The following JAKMIP1 variants were observed in gnomAD, a reference collection of about 807,000 sequenced individuals.
JAKMIP1 encodes the protein janus kinase and microtubule interacting protein 1, also known as janus kinase and microtubule-interacting protein 1.
A neutral mutation model predicts 113.0 loss-of-function variants in JAKMIP1; 33 were observed. That is an observed-to-expected ratio of 0.29 (90% CI 0.22 to 0.39). The LOEUF (loss-of-function observed/expected upper bound fraction) is 0.39. JAKMIP1 is among the 10% of genes least tolerant of loss of function. The pLI, the probability that JAKMIP1 is intolerant of heterozygous loss-of-function variation, is 1.00. For synonymous variants in JAKMIP1, 480 were observed against 459.9 expected (o/e 1.04, Z -0.56); for missense variants, 813 against 1,080.5 (o/e 0.75, Z 3.47).
rs750592907 is a variant in JAKMIP1 at position 6,105,632 on chromosome 4, G to T, written c.465C>A (p.Ile155=). 1 of 1,595,284 alleles carries T rather than the reference G, an allele frequency of 6.3e-7. No homozygotes were observed. Among genetic ancestry groups the T allele is most frequent in the Admixed American group, 1.7e-5 (1 of 57,182 alleles). The change falls in exon 3 of 21, where the codon ATC becomes ATA. Residue 155 remains isoleucine, a synonymous_variant. Coordinates refer to ENST00000409021, the MANE Select transcript of JAKMIP1 (RefSeq NM_001099433.2). Reference sequence around the variant, plus strand: ...GCTTGCGCGCTGCCTTGAGCTCCAGGATCTCCTGCTGCAGCCGCAGGCGCT... The same window carrying T: ...GCTTGCGCGCTGCCTTGAGCTCCAGTATCTCCTGCTGCAGCCGCAGGCGCT... ...DGERLRLQQE[I]LELKAARKQA...
At chr4:6,100,865 T>C (rs1712900889) in intron 3 of JAKMIP1, among the ~76,000 whole-genome samples, 1 of 152,214 alleles carries the variant, frequency 6.6e-6, no homozygotes. Flanking sequence ...CATTTAATTA[T>C]CCTGTTTTTG....
intron 1 of JAKMIP1, among the ~76,000 whole-genome samples, chr4:6,190,359 CA>C: frequency 6.6e-6 from 1 of 152,320 alleles, no homozygotes; most frequent in East Asian, 1.9e-4. Context: ...ACTTATTCAA[CA>C]AAAACCCCCA....
chr4:6,084,472 T>C (rs546239104), intron 5 of JAKMIP1, among the ~76,000 whole-genome samples: 62 of 152,328 alleles, frequency 4.1e-4, no homozygotes, highest in African/African-American at 1.4e-3. Flanking sequence ...CAGTCTAGAA[T>C]TCATTGTATA....
At chr4:6,146,372 A>G (rs1720850006) in intron 1 of JAKMIP1, among the ~76,000 whole-genome samples, 1 of 152,164 alleles carries the variant, frequency 6.6e-6, no homozygotes, top group South Asian at 2.1e-4. Context: ...GGCTGACTGC[A>G]GCCTTGACCT....
intron 1 of JAKMIP1, among the ~76,000 whole-genome samples, chr4:6,121,537 T>A (rs1334969277): frequency 1.3e-5 from 2 of 152,144 alleles, no homozygotes; most frequent in Non-Finnish European, 2.9e-5. Flanking sequence ...CACGACTAAA[T>A]CCCGTGATGG....
intron 1 of JAKMIP1, among the ~76,000 whole-genome samples, chr4:6,152,603 T>A (rs1359696702): frequency 1.3e-5 from 2 of 152,068 alleles, no homozygotes. Flanking sequence ...ATCCCAATAC[T>A]CAACACTTCA....
At chr4:6,098,949 T>C (rs1712549658) in intron 3 of JAKMIP1, among the ~76,000 whole-genome samples, 1 of 152,212 alleles carries the variant, frequency 6.6e-6, no homozygotes. Flanking sequence ...GTGCTCATCT[T>C]CTTTGGTTTG....
chr4:6,097,391 T>C lies in JAKMIP1; in HGVS notation c.624+8082A>G, dbSNP rs1163272416. On this transcript the variant is annotated intron_variant, in intron 3 of 20. Transcript: ENST00000409021. This position sits in a 1 kb window ranked among gnomAD's most constrained non-coding sequence, Gnocchi z 4.3. ...AGTGGAGAAGATAATGTGCTCATGG[T>C]AACATGTGAGCTTGCTTGCATGGGG... Among the ~76,000 whole-genome samples the C allele has an allele frequency of 2.0e-5, 3 of 152,252 alleles. No homozygotes were observed. Among genetic ancestry groups the C allele is most frequent in the Non-Finnish European group, 4.4e-5 (3 of 68,042 alleles).
At chr4:6,115,075 A>G (rs1715535659) in intron 1 of JAKMIP1, among the ~76,000 whole-genome samples, 1 of 152,246 alleles carries the variant, frequency 6.6e-6, no homozygotes, top group African/African-American at 2.4e-5. Flanking sequence ...AAAAGTCCAC[A>G]TGGGGAAAAG....
chr4:6,169,974 C>G (rs920470133), intron 1 of JAKMIP1, among the ~76,000 whole-genome samples: 6 of 119,560 alleles, frequency 5.0e-5, no homozygotes, highest in Non-Finnish European at 9.1e-5. Flanking sequence ...CCACCACCAC[C>G]ACCACTACCA....
chr4:6,115,896 G>T (rs1715694182), intron 1 of JAKMIP1, among the ~76,000 whole-genome samples: 4 of 152,168 alleles, frequency 2.6e-5, no homozygotes, highest in Non-Finnish European at 4.4e-5. Flanking sequence ...GGGCTGCCCT[G>T]CCCTGTATGT....
intron 3 of JAKMIP1, among the ~76,000 whole-genome samples, chr4:6,104,305 C>T (rs550064474): frequency 3.9e-5 from 6 of 152,276 alleles, no homozygotes; most frequent in East Asian, 1.9e-4. Context: ...CGTCCCCAAC[C>T]GTAACTGTGG....
Position 6,042,566 on chromosome 4 carries a change from G to A in JAKMIP1, c.2029-339C>T, listed in dbSNP as rs546778409. Among the ~76,000 whole-genome samples, 1 of 152,158 alleles carries A rather than the reference G, an allele frequency of 6.6e-6. No homozygotes were observed. Among genetic ancestry groups the A allele is most frequent in the Non-Finnish European group, 1.5e-5 (1 of 68,016 alleles). On this transcript the variant is annotated intron_variant, in intron 16 of 20. Coordinates refer to ENST00000409021, the MANE Select transcript of JAKMIP1 (RefSeq NM_001099433.2). This position sits in a 1 kb window ranked among gnomAD's most constrained non-coding sequence, Gnocchi z 5.2. ...TGATGTCAATGAGTGCCTGCTCTGT[G>A]CTGATGCTTCACACAGGAGACCTCA...
chr4:6,075,831 C>T (rs1289722232), intron 8 of JAKMIP1, among the ~76,000 whole-genome samples: 5 of 152,220 alleles, frequency 3.3e-5, no homozygotes, highest in Non-Finnish European at 5.9e-5. Context: ...TAGCAAATCA[C>T]GATTCAATTC....
Position 6,158,600 on chromosome 4 carries a change from A to T in JAKMIP1, c.-148+41653T>A, listed in dbSNP as rs1315464687. Among the ~76,000 whole-genome samples the T allele has an allele frequency of 6.6e-6, 1 of 152,152 alleles. No individual in the cohort carries two copies. The highest frequency in any genetic ancestry group is 1.5e-5 in the Non-Finnish European group (1 of 68,026). ...GCGGGAGTGGTCAACTCCATCCCAT[A>T]GGGCCATTTCTCCACCCCCCACCCC... On this transcript the variant is annotated intron_variant, in intron 1 of 20. Coordinates refer to ENST00000409021, the MANE Select transcript of JAKMIP1 (RefSeq NM_001099433.2). The surrounding 1 kb of genome is among the most constrained non-coding windows in gnomAD (Gnocchi z 5.3).
At chr4:6,068,296 A>G (rs1718458031) in intron 8 of JAKMIP1, among the ~76,000 whole-genome samples, 1 of 152,206 alleles carries the variant, frequency 6.6e-6, no homozygotes, top group African/African-American at 2.4e-5. Flanking sequence ...GCCTAACTCC[A>G]GACCCAGTGG....
chr4:6,190,366 C>T (rs1727119274), intron 1 of JAKMIP1, among the ~76,000 whole-genome samples: 1 of 152,118 alleles, frequency 6.6e-6, no homozygotes, highest in East Asian at 1.9e-4. Context: ...CAACAAAAAC[C>T]CCCAATAAAT....
At chr4:6,057,419 G>T (rs905945864) in intron 11 of JAKMIP1, among the ~76,000 whole-genome samples, 1 of 152,114 alleles carries the variant, frequency 6.6e-6, no homozygotes, top group Admixed American at 6.5e-5. Flanking sequence ...AGGCTGGGCC[G>T]GGCTCACTGA....
Position 6,150,142 on chromosome 4 carries a change from C to T in JAKMIP1, c.-147-37145G>A, listed in dbSNP as rs972912769. Among the ~76,000 whole-genome samples the T allele has an allele frequency of 4.6e-5, 7 of 152,168 alleles. No individual in the cohort carries two copies. Among genetic ancestry groups the T allele is most frequent in the African/African-American group, 1.7e-4 (7 of 41,416 alleles). ...TGAATGATACAGGTAGTGCCCCCTT[C>T]GGCTACTTCCCCACAGCACAGAACA... On this transcript the variant is annotated intron_variant, in intron 1 of 20. Transcript: ENST00000409021. This position sits in a 1 kb window ranked among gnomAD's most constrained non-coding sequence, Gnocchi z 4.8.
Sources: gnomAD v4.1 joint callset for allele counts (sites outside exome capture counted in the v4.1 genomes callset) on GRCh38, gnomAD v4.1.1 for gene constraint, Gnocchi (gnomAD v3.1) non-coding constraint, MANE v1.5 for transcripts, NCBI Gene and HGNC (gene_info 2026-07-23, HGNC 2026-07-21) for gene names.